KCND3: variants seen among roughly 807,000 people sequenced by gnomAD.
The protein encoded by KCND3 is potassium voltage-gated channel subfamily D member 3, also known as A-type voltage-gated potassium channel KCND3.
KCND3 carries 9 observed loss-of-function variants against 51.1 expected under a neutral mutation model. That is an observed-to-expected ratio of 0.18 (90% CI 0.11 to 0.31). The LOEUF (loss-of-function observed/expected upper bound fraction) is 0.31, where lower values mean the gene tolerates loss of function less well. Among genes scored for constraint, KCND3 ranks in the 10% least tolerant of loss-of-function variants. The probability of loss-of-function intolerance (pLI) is 1.00; values close to 1 mark genes in which losing one functional copy is unlikely to be tolerated. For missense variants in KCND3, 526 were observed against 903.8 expected (o/e 0.58, Z 5.36); for synonymous variants, 349 against 368.0 (o/e 0.95, Z 0.59).
chr1:111,901,145 A>G (rs751400691), intron 2 of KCND3, among the ~76,000 whole-genome samples: 5 of 152,228 alleles, frequency 3.3e-5, no homozygotes, highest in Non-Finnish European at 7.3e-5. Flanking sequence ...ATTCAGTCAG[A>G]TTGGTTCCCA....
chr1:111,971,001 T>C (rs1674297587), intron 2 of KCND3, among the ~76,000 whole-genome samples: 1 of 152,096 alleles, frequency 6.6e-6, no homozygotes. Flanking sequence ...GACATTTTTC[T>C]CCAAGGGAAA....
chr1:111,967,549 A>G (rs570550121), intron 2 of KCND3, among the ~76,000 whole-genome samples: 1 of 152,334 alleles, frequency 6.6e-6, no homozygotes, highest in African/African-American at 2.4e-5. Flanking sequence ...AGGAGTCTGC[A>G]GGCAGGGCCT....
At chr1:111,951,260 A>G (rs182784975) in intron 2 of KCND3, among the ~76,000 whole-genome samples, 1 of 151,922 alleles carries the variant, frequency 6.6e-6, no homozygotes, top group Admixed American at 6.6e-5. Context: ...ATTTGCATAC[A>G]TCTAATCACT....
intron 2 of KCND3, among the ~76,000 whole-genome samples, chr1:111,954,626 C>A (rs1268838037): frequency 3.3e-5 from 5 of 152,222 alleles, no homozygotes; most frequent in African/African-American, 1.2e-4. Context: ...TGGCTGGCAT[C>A]TGCCTCTAGG....
intron 2 of KCND3, among the ~76,000 whole-genome samples, chr1:111,798,192 C>T (rs1447846442): frequency 1.3e-5 from 2 of 152,180 alleles, no homozygotes; most frequent in Non-Finnish European, 1.5e-5. Context: ...TCTATTGTCA[C>T]ATGCTTCTGC....
At chr1:111,847,449 C>T (rs149009245) in intron 2 of KCND3, among the ~76,000 whole-genome samples, 2 of 152,296 alleles carry the variant, frequency 1.3e-5, no homozygotes, top group East Asian at 3.9e-4. Flanking sequence ...CAACCATTTC[C>T]ATGTTATTTT....
At chr1:111,944,965 C>T (rs912129090) in intron 2 of KCND3, among the ~76,000 whole-genome samples, 1 of 152,196 alleles carries the variant, frequency 6.6e-6, no homozygotes, top group Non-Finnish European at 1.5e-5. Flanking sequence ...CAACCATGAG[C>T]CCCATGATGA....
At chr1:111,805,827 G>A (rs1232913984) in intron 2 of KCND3, among the ~76,000 whole-genome samples, 1 of 152,242 alleles carries the variant, frequency 6.6e-6, no homozygotes, top group Non-Finnish European at 1.5e-5. Flanking sequence ...TGGGGGACAA[G>A]TAATTACAGA....
In KCND3 at chr1:111,981,587, T is replaced by G. The variant is rs1674950528; in HGVS notation, c.1106+34A>C. The G allele has an allele frequency of 2.5e-6, 4 of 1,613,762 alleles. No individual in the cohort carries two copies. The highest frequency in any genetic ancestry group is 3.4e-6 in the Non-Finnish European group (4 of 1,179,896). ...GAGGTCATCCAGCTGCCCTCCAACC[T>G]CCGTCCTGGTTTCATCCACCAGCGC... On this transcript the variant is annotated intron_variant, in intron 2 of 7. Coordinates refer to ENST00000302127, the MANE Select transcript of KCND3 (RefSeq NM_001378969.1). This position sits in a 1 kb window ranked among gnomAD's most constrained non-coding sequence, Gnocchi z 6.2.
chr1:111,923,835 C>CT (rs1671582600), intron 2 of KCND3, among the ~76,000 whole-genome samples: 1 of 152,198 alleles, frequency 6.6e-6, no homozygotes, highest in South Asian at 2.1e-4. Context: ...AGGTAAATGA[C>CT]TCCTCCTTAC....
At chr1:111,937,089 C>T (rs1248639032) in intron 2 of KCND3, among the ~76,000 whole-genome samples, 1 of 152,092 alleles carries the variant, frequency 6.6e-6, no homozygotes, top group Non-Finnish European at 1.5e-5. Context: ...ATTGATGGAT[C>T]TGGGTGTGGG....
At chr1:111,983,401 T>G (rs1421692027) in intron 1 of KCND3, among the ~76,000 whole-genome samples, 3 of 152,126 alleles carry the variant, frequency 2.0e-5, no homozygotes, top group African/African-American at 2.4e-5. Context: ...CCAACTCCCA[T>G]GGAGAAGGCT....
At chr1:111,787,688 G>A (rs1019076041) in intron 2 of KCND3, among the ~76,000 whole-genome samples, 2 of 152,168 alleles carry the variant, frequency 1.3e-5, no homozygotes, top group South Asian at 2.1e-4. Flanking sequence ...TCAGTGAGGC[G>A]CCATGAGGAG....
At chr1:111,821,951 C>T (rs1471437) in intron 2 of KCND3, among the ~76,000 whole-genome samples, 86,223 of 151,876 alleles carry the variant, frequency 0.57, 26,656 homozygotes, top group Non-Finnish European at 0.69. Context: ...GTAATGGGGG[C>T]TCTTTCCAGG....
At chr1:111,897,203 G>C (rs1670161384) in intron 2 of KCND3, among the ~76,000 whole-genome samples, 1 of 152,202 alleles carries the variant, frequency 6.6e-6, no homozygotes, top group African/African-American at 2.4e-5. Flanking sequence ...TTTAGTGTTT[G>C]TAGGATTTCC....
intron 2 of KCND3, among the ~76,000 whole-genome samples, chr1:111,922,806 A>G (rs1275592255): frequency 3.3e-5 from 5 of 152,262 alleles, no homozygotes; most frequent in Non-Finnish European, 5.9e-5. Context: ...TTTCTGAGCT[A>G]GAGTTGCCTC....
At chr1:111,849,066 G>A (rs546597781) in intron 2 of KCND3, among the ~76,000 whole-genome samples, 9 of 152,268 alleles carry the variant, frequency 5.9e-5, no homozygotes, top group South Asian at 4.1e-4. Flanking sequence ...AGGCACAGGC[G>A]TGGGAGGTTT....
intron 2 of KCND3, among the ~76,000 whole-genome samples, chr1:111,792,071 T>C (rs1425514965): frequency 6.6e-6 from 1 of 152,166 alleles, no homozygotes; most frequent in Non-Finnish European, 1.5e-5. Context: ...AGGACACTGA[T>C]TAACTGGATC....
rs2101437611 is a variant in KCND3 at position 111,771,649 on chromosome 1, G to T, written c.*4428C>A. ...TTTCCTTGTCTACAATCTAATAAGT[G>T]ATATCCTGAACTGTAGGAATCATAT... On this transcript the variant is annotated 3_prime_UTR_variant, in exon 8 of 8. Coordinates refer to ENST00000302127, the MANE Select transcript of KCND3 (RefSeq NM_001378969.1). The T allele has an allele frequency of 6.6e-6, 1 of 152,260 alleles. No homozygotes were observed. The highest frequency in any genetic ancestry group is 1.5e-5 in the Non-Finnish European group (1 of 68,016). 9.4% of individuals were successfully genotyped at this position (152,260 alleles called of 1,614,324 possible).
Sources: allele counts gnomAD v4.1 joint callset (sites outside exome capture counted in the v4.1 genomes callset), GRCh38; gene constraint gnomAD v4.1.1; non-coding constraint Gnocchi (gnomAD v3.1); transcripts MANE v1.5; gene names NCBI Gene and HGNC (gene_info 2026-07-23, HGNC 2026-07-21).